The following PRKCE variants were observed in gnomAD, a reference collection of about 807,000 sequenced individuals.
The protein encoded by PRKCE is protein kinase C epsilon.
A neutral mutation model predicts 85.4 loss-of-function variants in PRKCE; 16 were observed. That is an observed-to-expected ratio of 0.19 (90% CI 0.13 to 0.28). PRKCE has a LOEUF of 0.28. PRKCE is among the 10% of genes least tolerant of loss of function. The pLI, the probability that PRKCE is intolerant of heterozygous loss-of-function variation, is 1.00. For missense variants in PRKCE, 573 were observed against 975.2 expected, an observed-to-expected ratio of 0.59 and a Z score of 5.49; for synonymous variants, 388 against 371.5, an observed-to-expected ratio of 1.04 and a Z score of -0.51.
At chr2:46,120,642 G>A (rs1016721003) in intron 11 of PRKCE, among the ~76,000 whole-genome samples, 1 of 152,192 alleles carries the variant, frequency 6.6e-6, no homozygotes, top group African/African-American at 2.4e-5. Flanking sequence ...TGTAGATGAT[G>A]TAGGCTTTTT....
At chr2:45,912,508 C>T (rs986873452) in intron 2 of PRKCE, among the ~76,000 whole-genome samples, 10 of 152,130 alleles carry the variant, frequency 6.6e-5, no homozygotes, top group African/African-American at 2.4e-4. Context: ...ACTGCAGGGC[C>T]TTGATTGGGG....
chr2:45,791,787 C>T (rs1469330633), intron 1 of PRKCE, among the ~76,000 whole-genome samples: 2 of 152,196 alleles, frequency 1.3e-5, no homozygotes, highest in Non-Finnish European at 2.9e-5. Flanking sequence ...TGCTCACTGC[C>T]ATCTGTAACT....
intron 1 of PRKCE, among the ~76,000 whole-genome samples, chr2:45,717,491 A>G (rs1227334731): frequency 6.6e-6 from 1 of 152,236 alleles, no homozygotes; most frequent in African/African-American, 2.4e-5. Flanking sequence ...GGAATCCTAC[A>G]TTGGGTTCCC....
intron 1 of PRKCE, among the ~76,000 whole-genome samples, chr2:45,770,335 C>CTT (rs1685216941): frequency 6.6e-6 from 1 of 152,050 alleles, no homozygotes. Flanking sequence ...CTGACTGTGG[C>CTT]TTTTTTATTT....
At chr2:45,835,478 G>T (rs1457922814) in intron 1 of PRKCE, among the ~76,000 whole-genome samples, 1 of 152,028 alleles carries the variant, frequency 6.6e-6, no homozygotes, top group Non-Finnish European at 1.5e-5. Flanking sequence ...TTTTGTTATT[G>T]TAGGTTTGTT....
At chr2:45,782,073 A>C (rs1686234201) in intron 1 of PRKCE, among the ~76,000 whole-genome samples, 1 of 152,196 alleles carries the variant, frequency 6.6e-6, no homozygotes. Context: ...AGAGAGAAGA[A>C]AGCTCAAATT....
intron 11 of PRKCE, among the ~76,000 whole-genome samples, chr2:46,134,823 G>A (rs1347652161): frequency 6.6e-6 from 1 of 152,212 alleles, no homozygotes; most frequent in Non-Finnish European, 1.5e-5. Context: ...TAAGTGTCAC[G>A]ACGGATCGTC....
intron 1 of PRKCE, among the ~76,000 whole-genome samples, chr2:45,667,310 CAA>C (rs929054740): frequency 7.3e-5 from 11 of 151,446 alleles, no homozygotes; most frequent in Non-Finnish European, 1.3e-4. Context: ...GACTCTGTCT[CAA>C]AAAAAAATTT....
chr2:45,753,956 A>G (rs1248262364), intron 1 of PRKCE, among the ~76,000 whole-genome samples: 1 of 152,232 alleles, frequency 6.6e-6, no homozygotes, highest in East Asian at 1.9e-4. Context: ...CTAATACTCA[A>G]ACCGTATTCA....
chr2:45,949,000 A>G (rs568692898), intron 2 of PRKCE, among the ~76,000 whole-genome samples: 20 of 152,280 alleles, frequency 1.3e-4, no homozygotes, highest in African/African-American at 4.8e-4. Flanking sequence ...TTACCCATTC[A>G]TTTGTTAGCA....
chr2:46,113,285 A>G (rs1672446538), intron 11 of PRKCE, among the ~76,000 whole-genome samples: 1 of 152,104 alleles, frequency 6.6e-6, no homozygotes, highest in African/African-American at 2.4e-5. Flanking sequence ...TAAATGCAGA[A>G]CTCTAAAGTC....
chr2:46,114,067 A>G (rs6748010), intron 11 of PRKCE, among the ~76,000 whole-genome samples: 2,326 of 152,264 alleles, frequency 0.015, 53 homozygotes, highest in African/African-American at 0.053. Context: ...CCCCAGACAC[A>G]TTTTTAATGT....
intron 1 of PRKCE, among the ~76,000 whole-genome samples, chr2:45,817,026 G>A (rs571525230): frequency 5.3e-5 from 8 of 151,376 alleles, no homozygotes; most frequent in South Asian, 2.1e-4. Flanking sequence ...CAAAGAGATC[G>A]TTGTGTAAAG....
At chr2:46,100,973 A>G (rs1023458235) in intron 11 of PRKCE, among the ~76,000 whole-genome samples, 1 of 151,996 alleles carries the variant, frequency 6.6e-6, no homozygotes, top group Admixed American at 6.6e-5. Context: ...GGTTCAAGCG[A>G]TTCTCCCTCC....
At chr2:46,178,790 G>A (rs943405107) in intron 14 of PRKCE, among the ~76,000 whole-genome samples, 1 of 152,190 alleles carries the variant, frequency 6.6e-6, no homozygotes, top group Non-Finnish European at 1.5e-5. Context: ...AGTATCTGCT[G>A]TGTGCCCTGC....
At chr2:45,991,246 A>G (rs552503321) in intron 6 of PRKCE, among the ~76,000 whole-genome samples, 4 of 152,054 alleles carry the variant, frequency 2.6e-5, no homozygotes, top group Admixed American at 6.5e-5. Flanking sequence ...ACCTCAAGTG[A>G]TCCACCTACC....
At chr2:45,986,108 C>T (rs1256504071) in intron 6 of PRKCE, among the ~76,000 whole-genome samples, 1 of 152,220 alleles carries the variant, frequency 6.6e-6, no homozygotes, top group Admixed American at 6.5e-5. Context: ...CAAAGAATGG[C>T]ACCATGGAAG....
At chr2:45,791,402 C>T (rs1687021041) in intron 1 of PRKCE, among the ~76,000 whole-genome samples, 1 of 152,142 alleles carries the variant, frequency 6.6e-6, no homozygotes, top group African/African-American at 2.4e-5. Flanking sequence ...CCATGGAGCC[C>T]CAAGAGCAGG....
chr2:45,679,981 A>G (rs552440744), intron 1 of PRKCE, among the ~76,000 whole-genome samples: 283 of 152,330 alleles, frequency 1.9e-3, no homozygotes, highest in Admixed American at 3.1e-3. Context: ...AGATCTGGGA[A>G]GAGATTTAGC....
Sources: gnomAD v4.1 joint callset for allele counts (sites outside exome capture counted in the v4.1 genomes callset) on GRCh38, gnomAD v4.1.1 for gene constraint, MANE v1.5 for transcripts, NCBI Gene and HGNC (gene_info 2026-07-23, HGNC 2026-07-21) for gene names.